Variants in CAND1 observed in about 807,000 individuals in gnomAD.
CAND1 encodes cullin-associated NEDD8-dissociated protein 1.
A neutral mutation model predicts 108.5 loss-of-function variants in CAND1; 7 were observed. That is an observed-to-expected ratio of 0.06 (90% CI 0.04 to 0.12). The LOEUF (loss-of-function observed/expected upper bound fraction) is 0.12, where lower values mean the gene tolerates loss of function less well. Among genes scored for constraint, CAND1 ranks in the 10% least tolerant of loss-of-function variants. CAND1 has a pLI of 1.00. For missense variants in CAND1, 941 were observed against 1,448.7 expected (o/e 0.65, Z 5.69); for synonymous variants, 534 against 512.0 (o/e 1.04, Z -0.58).
chr12:67,284,794 TACAC>T (rs1369911822), intron 2 of CAND1, among the ~76,000 whole-genome samples: 6 of 147,086 alleles, frequency 4.1e-5, no homozygotes, highest in African/African-American at 7.5e-5. Flanking sequence ...CACACACACA[TACAC>T]ACACTTACTT....
intron 9 of CAND1, 76 bp downstream of exon 9, chr12:67,304,822 G>C: frequency 5.2e-6 from 8 of 1,527,278 alleles, no homozygotes; most frequent in Non-Finnish European, 7.1e-6. Context: ...TTAAATAATT[G>C]TTTCCTTTTA....
At chr12:67,312,482 G>A (rs1338595004) in intron 14 of CAND1, 124 bp from the exon 15 acceptor site, 16 of 517,952 alleles carry the variant, frequency 3.1e-5, no homozygotes, top group Non-Finnish European at 1.7e-5. Flanking sequence ...GTTGTTCTTA[G>A]AATGTAATAT....
At position 67,319,414 on chromosome 12, in the gene CAND1, T is replaced by C. The variant is rs1293245272; in HGVS notation, c.*6584T>C. On this transcript the variant is annotated 3_prime_UTR_variant, in exon 15 of 15. Transcript: ENST00000545606. ...CTTTTGTTTTACTTAGCTGGCTGCT[T>C]TTCATCTTGTAGGTTAGGTCAAGGA... The C allele has an allele frequency of 2.0e-5, 3 of 152,242 alleles. No homozygotes were observed. Among genetic ancestry groups the C allele is most frequent in the Admixed American group, 6.5e-5 (1 of 15,288 alleles). 9.4% of individuals were successfully genotyped at this position (152,242 alleles called of 1,614,324 possible).
intron 1 of CAND1, chr12:67,270,491 C>G (rs1208403652): frequency 6.6e-6 from 1 of 152,130 alleles, no homozygotes; most frequent in Non-Finnish European, 1.5e-5. Flanking sequence ...GTCCTCATAT[C>G]CAAAATCACT....
intron 1 of CAND1, among the ~76,000 whole-genome samples, chr12:67,278,792 T>C (rs2044593549): frequency 6.6e-6 from 1 of 152,244 alleles, no homozygotes; most frequent in Non-Finnish European, 1.5e-5. Flanking sequence ...GTGCTGGGAT[T>C]ACAGGCGTGA....
At position 67,317,422 on chromosome 12, in the gene CAND1, C is replaced by G. The variant is rs545708929; in HGVS notation, c.*4592C>G. On this transcript the variant is annotated 3_prime_UTR_variant, in exon 15 of 15. Transcript: ENST00000545606. ...CTGCTGAGATTATTGCAAGTGCCTC[C>G]TTGCCCAGCCACATGTTGTTGATTT... is the stretch of plus-strand genomic sequence containing the variant. 2 of 151,822 alleles carry G rather than the reference C, an allele frequency of 1.3e-5. No individual in the cohort carries two copies. Among genetic ancestry groups the G allele is most frequent in the East Asian group, 3.9e-4 (2 of 5,172 alleles). 9.4% of individuals were successfully genotyped at this position (151,822 alleles called of 1,614,324 possible). A position where few individuals can be genotyped will look rare whatever the true frequency, so the allele number is the denominator to read the frequency against.
intron 14 of CAND1, 127 bp from the exon 15 acceptor site, chr12:67,312,479 T>C: frequency 1.9e-6 from 1 of 517,318 alleles, no homozygotes; most frequent in Non-Finnish European, 3.4e-6. Context: ...ACAGTTGTTC[T>C]TAGAATGTAA....
intron 1 of CAND1, among the ~76,000 whole-genome samples, chr12:67,273,702 C>CT (rs1157288924): frequency 6.6e-6 from 1 of 151,988 alleles, no homozygotes; most frequent in Non-Finnish European, 1.5e-5. Flanking sequence ...GTCTCAAACT[C>CT]TTGATTTCCG....
intron 11 of CAND1, among the ~76,000 whole-genome samples, chr12:67,308,268 T>C (rs2044909909): frequency 6.6e-6 from 1 of 152,108 alleles, no homozygotes. Context: ...AAATACAATA[T>C]AAAATTTGAA....
At chr12:67,285,629 A>G (rs1024802020) in intron 2 of CAND1, among the ~76,000 whole-genome samples, 4 of 152,220 alleles carry the variant, frequency 2.6e-5, no homozygotes, top group African/African-American at 9.6e-5. Context: ...CATCACTGAG[A>G]AAAAGATGGA....
Position 67,309,882 on chromosome 12 carries a change from T to G in CAND1, c.3026-19T>G. On this transcript the variant is annotated intron_variant, in intron 11 of 14. Transcript: ENST00000545606. ...TAAGTTTATCATGTCTGTCTGTTGCTTTTCTTGTAATATTTCAGGTGATTT... is the reference window on the plus strand; with the variant it reads ...TAAGTTTATCATGTCTGTCTGTTGCGTTTCTTGTAATATTTCAGGTGATTT... The G allele has an allele frequency of 6.4e-7, 1 of 1,566,936 alleles. No individual in the cohort carries two copies. Among genetic ancestry groups the G allele is most frequent in the South Asian group, 1.2e-5 (1 of 86,150 alleles).
intron 1 of CAND1, among the ~76,000 whole-genome samples, chr12:67,277,600 T>C (rs553955807): frequency 5.9e-5 from 9 of 152,302 alleles, no homozygotes; most frequent in Middle Eastern, 3.4e-3. Flanking sequence ...GTTTACAACA[T>C]GAGAGCTGGA....
At chr12:67,283,094 A>G (rs938594990) in intron 2 of CAND1, among the ~76,000 whole-genome samples, 1 of 152,160 alleles carries the variant, frequency 6.6e-6, no homozygotes, top group Non-Finnish European at 1.5e-5. Context: ...TTTGATATCA[A>G]TTTAAATAAA....
intron 2 of CAND1, among the ~76,000 whole-genome samples, chr12:67,289,332 C>T (rs1031390136): frequency 3.9e-5 from 6 of 151,914 alleles, no homozygotes; most frequent in African/African-American, 1.5e-4. Flanking sequence ...GATTCTCCTG[C>T]CCCAGCCTCC....
chr12:67,306,553 A>G lies in CAND1; in HGVS notation c.2885A>G (p.Asp962Gly), dbSNP rs1306616676. The change falls in exon 10 of 15, where the codon GAT becomes GGT. Residue 962 changes from aspartate to glycine, a missense_variant. This residue lies in a region of CAND1 where 106 missense variants were observed against 182.0 expected (regional missense o/e 0.58). Transcript: ENST00000545606. ...AECLGKLTLI[D>G]PETLLPRLKG... is the part of the protein sequence containing the mutation. ...TGTCTAGGAAAACTCACTCTAATTG[A>G]TCCAGAAACTCTCCTTCCACGGCTT... is the stretch of plus-strand genomic sequence containing the variant. The G allele has an allele frequency of 1.9e-6, 3 of 1,613,634 alleles. No individual in the cohort carries two copies. The highest frequency in any genetic ancestry group is 1.6e-4 in the Middle Eastern group (1 of 6,084).
At chr12:67,284,518 C>T (rs931708502) in intron 2 of CAND1, among the ~76,000 whole-genome samples, 10 of 152,182 alleles carry the variant, frequency 6.6e-5, no homozygotes, top group African/African-American at 1.9e-4. Flanking sequence ...AACAAAAGCA[C>T]TTAGTTTACT....
chr12:67,277,006 A>G (rs996765075), intron 1 of CAND1, among the ~76,000 whole-genome samples: 1 of 152,210 alleles, frequency 6.6e-6, no homozygotes, highest in African/African-American at 2.4e-5. Context: ...CAGTTTATTC[A>G]TCTGATGTGA....
Position 67,305,939 on chromosome 12 carries a change from C to G in CAND1, c.2271C>G (p.Asp757Glu). The G allele has an allele frequency of 6.2e-7, 1 of 1,614,152 alleles. No homozygotes were observed. Among genetic ancestry groups the G allele is most frequent in the Non-Finnish European group, 8.5e-7 (1 of 1,180,012 alleles). ...GGGGAGCTCTTAGTGCCATGCTAGACTTTTTCCAAGCTCTGGTTGTCACTG... is the reference window on the plus strand; with the variant it reads ...GGGGAGCTCTTAGTGCCATGCTAGAGTTTTTCCAAGCTCTGGTTGTCACTG... Reference protein sequence around the residue: ...LQGGALSAMLDFFQALVVTGT... With the variant: ...LQGGALSAMLEFFQALVVTGT... The change falls in exon 10 of 15, where the codon GAC becomes GAG. Residue 757 changes from aspartate to glutamate, a missense_variant. Physicochemically the swap from Asp to Glu is conservative, Grantham distance 45. Coordinates refer to ENST00000545606, the MANE Select transcript of CAND1 (RefSeq NM_018448.5). This position sits in a 1 kb window ranked among gnomAD's most constrained non-coding sequence, Gnocchi z 4.4.
intron 11 of CAND1, 106 bp downstream of exon 11, chr12:67,307,598 A>G: frequency 2.8e-6 from 2 of 711,108 alleles, no homozygotes; most frequent in South Asian, 1.8e-5. Context: ...TGCTTATAAA[A>G]TAATTGTTTA....
Sources: allele counts gnomAD v4.1 joint callset (sites outside exome capture counted in the v4.1 genomes callset), GRCh38; gene constraint gnomAD v4.1.1; regional missense constraint gnomAD v4.1.1; non-coding constraint Gnocchi (gnomAD v3.1); transcripts MANE v1.5; gene names NCBI Gene and HGNC (gene_info 2026-07-23, HGNC 2026-07-21).